Variants in PTPRD observed in about 807,000 individuals in gnomAD.
PTPRD encodes protein tyrosine phosphatase receptor type D, also known as receptor-type tyrosine-protein phosphatase delta.
A neutral mutation model predicts 214.5 loss-of-function variants in PTPRD; 34 were observed. The ratio of observed to expected loss-of-function variants is 0.16; its 90% confidence interval spans 0.12 to 0.21. The LOEUF is 0.21. Among genes scored for constraint, PTPRD ranks in the 10% least tolerant of loss-of-function variants. The probability of loss-of-function intolerance (pLI) is 1.00; values close to 1 mark genes in which losing one functional copy is unlikely to be tolerated. For missense variants in PTPRD, 2,545 were observed against 2,398.7 expected (o/e 1.06, Z -1.27); for synonymous variants, 1,128 against 845.7 (o/e 1.33, Z -5.79).
chr9:9,091,974 T>G (rs753490438), intron 10 of PTPRD, among the ~76,000 whole-genome samples: 3 of 152,200 alleles, frequency 2.0e-5, no homozygotes, highest in Non-Finnish European at 4.4e-5. Flanking sequence ...GGTTTTTAAG[T>G]GTCTCTGCCA....
chr9:9,531,900 C>A (rs1293928052), intron 8 of PTPRD, among the ~76,000 whole-genome samples: 4 of 151,800 alleles, frequency 2.6e-5, no homozygotes, highest in African/African-American at 9.7e-5. Flanking sequence ...AGTATAGATA[C>A]ATGTAGATAT....
chr9:10,583,637 C>T (rs1411604322), intron 2 of PTPRD, among the ~76,000 whole-genome samples: 1 of 151,926 alleles, frequency 6.6e-6, no homozygotes, highest in African/African-American at 2.4e-5. Flanking sequence ...CGCCACCACG[C>T]CCGGCTAATT....
chr9:8,857,781 GC>G (rs2097961299), intron 11 of PTPRD: 1 of 156,984 alleles, frequency 6.4e-6, no homozygotes, highest in African/African-American at 2.4e-5. Context: ...GGCCGCCGCC[GC>G]CGAAGCCCCC....
At chr9:9,918,684 A>G (rs2081658589) in intron 5 of PTPRD, among the ~76,000 whole-genome samples, 1 of 151,928 alleles carries the variant, frequency 6.6e-6, no homozygotes, top group African/African-American at 2.4e-5. Context: ...GTAAAACAGC[A>G]TAACACTGGC....
At chr9:9,347,293 G>T (rs564294529) in intron 9 of PTPRD, among the ~76,000 whole-genome samples, 1 of 147,758 alleles carries the variant, frequency 6.8e-6, no homozygotes. Context: ...CTATACTTCA[G>T]AGGACTCTCT....
chr9:10,248,189 G>A (rs903490018), intron 3 of PTPRD, among the ~76,000 whole-genome samples: 5 of 152,150 alleles, frequency 3.3e-5, no homozygotes, highest in Middle Eastern at 3.4e-3. Flanking sequence ...GCGTGGAAAC[G>A]GACTAATACA....
At chr9:9,095,766 G>A (rs75657647) in intron 10 of PTPRD, among the ~76,000 whole-genome samples, 6,366 of 152,198 alleles carry the variant, frequency 0.042, 272 homozygotes, top group African/African-American at 0.11. Context: ...ATACCCAAAG[G>A]AAATAAATCA....
intron 9 of PTPRD, among the ~76,000 whole-genome samples, chr9:9,337,911 C>A (rs1485661594): frequency 6.6e-6 from 1 of 152,148 alleles, no homozygotes; most frequent in Non-Finnish European, 1.5e-5. Context: ...TAATAAAATG[C>A]AACCATAAAA....
intron 5 of PTPRD, among the ~76,000 whole-genome samples, chr9:9,890,043 A>G (rs963945515): frequency 6.6e-6 from 1 of 152,078 alleles, no homozygotes; most frequent in Non-Finnish European, 1.5e-5. Context: ...TGGATTTCAG[A>G]TCTAAGAAAG....
intron 11 of PTPRD, among the ~76,000 whole-genome samples, chr9:8,867,847 C>A (rs2098225784): frequency 6.6e-6 from 1 of 152,042 alleles, no homozygotes; most frequent in African/African-American, 2.4e-5. Flanking sequence ...TCTGTGTATC[C>A]CTTGTGCACC....
chr9:8,919,963 T>C (rs966231643), intron 11 of PTPRD, among the ~76,000 whole-genome samples: 4 of 151,518 alleles, frequency 2.6e-5, no homozygotes, highest in Middle Eastern at 6.8e-3. Context: ...TGTATACGTG[T>C]GTATGCATGT....
intron 11 of PTPRD, among the ~76,000 whole-genome samples, chr9:8,789,460 A>G (rs892022023): frequency 6.6e-6 from 1 of 152,324 alleles, no homozygotes; most frequent in African/African-American, 2.4e-5. Context: ...TGATGTACAC[A>G]TAGCAGTAGA....
chr9:10,095,750 T>G (rs778030370), intron 3 of PTPRD, among the ~76,000 whole-genome samples: 2 of 151,598 alleles, frequency 1.3e-5, no homozygotes, highest in Non-Finnish European at 3.0e-5. Context: ...ATCAATGGCA[T>G]TAATTTATAC....
chr9:8,821,695 T>G (rs536067872), intron 11 of PTPRD, among the ~76,000 whole-genome samples: 1 of 152,210 alleles, frequency 6.6e-6, no homozygotes, highest in South Asian at 2.1e-4. Context: ...AAACAGAGTC[T>G]CGCTCTGTTG....
chr9:10,490,404 T>C (rs1008188969), intron 2 of PTPRD, among the ~76,000 whole-genome samples: 24 of 152,300 alleles, frequency 1.6e-4, no homozygotes, highest in Middle Eastern at 3.4e-3. Flanking sequence ...AAAATAATTA[T>C]TGCCATCATC....
At chr9:10,030,710 A>G (rs1217370724) in intron 4 of PTPRD, among the ~76,000 whole-genome samples, 1 of 151,942 alleles carries the variant, frequency 6.6e-6, no homozygotes, top group Non-Finnish European at 1.5e-5. Context: ...ATTCCAGTTG[A>G]GAAAATCTTG....
At chr9:8,435,820 T>C (rs2095324170) in intron 35 of PTPRD, among the ~76,000 whole-genome samples, 2 of 152,148 alleles carry the variant, frequency 1.3e-5, no homozygotes, top group Admixed American at 1.3e-4. Context: ...TAAGATAGCA[T>C]TCAGCGCACC....
intron 7 of PTPRD, among the ~76,000 whole-genome samples, chr9:9,575,601 T>C (rs1183036887): frequency 1.3e-5 from 2 of 150,342 alleles, no homozygotes; most frequent in Admixed American, 6.7e-5. Context: ...ATGCCTGTAG[T>C]CCCAGCTACT....
intron 2 of PTPRD, among the ~76,000 whole-genome samples, chr9:10,557,235 T>C (rs561103451): frequency 6.6e-6 from 1 of 152,218 alleles, no homozygotes; most frequent in Non-Finnish European, 1.5e-5. Context: ...GCATCTGTTT[T>C]CTGCTTCTCT....
Sources: gnomAD v4.1 joint callset for allele counts (sites outside exome capture counted in the v4.1 genomes callset) on GRCh38, gnomAD v4.1.1 for gene constraint, MANE v1.5 for transcripts, NCBI Gene and HGNC (gene_info 2026-07-23, HGNC 2026-07-21) for gene names.